DOK7: variants seen among roughly 807,000 people sequenced by gnomAD.
The protein encoded by DOK7 is protein Dok-7.
Under a neutral mutation model 30.7 loss-of-function variants are expected in DOK7, and 32 were observed. That is an observed-to-expected ratio of 1.04 (90% CI 0.79 to 1.40). The LOEUF is 1.40. Among genes scored for constraint, DOK7 ranks in the 40% most tolerant of loss-of-function variants. The pLI, the probability that DOK7 is intolerant of heterozygous loss-of-function variation, is 0.00. For missense variants in DOK7, 1,007 were observed against 699.2 expected (o/e 1.44, Z -4.97); for synonymous variants, 447 against 324.1 (o/e 1.38, Z -4.07).
intron 6 of DOK7, chr4:3,500,203 G>A (rs1212621844): frequency 6.5e-7 from 1 of 1,527,524 alleles, no homozygotes; most frequent in South Asian, 1.2e-5. Flanking sequence ...TTTGAGATCT[G>A]TGCCCCTCTC....
chr4:3,464,957 T>G (rs114126206), intron 2 of DOK7, among the ~76,000 whole-genome samples: 1,734 of 152,282 alleles, frequency 0.011, 39 homozygotes, highest in African/African-American at 0.039. Flanking sequence ...GGTTATCCCG[T>G]ATCCTGCGCA....
intron 2 of DOK7, among the ~76,000 whole-genome samples, chr4:3,469,655 T>G (rs1219487393): frequency 6.6e-6 from 1 of 152,212 alleles, no homozygotes; most frequent in East Asian, 1.9e-4. Context: ...ACACGTGCTG[T>G]GTCCCAGGGA....
chr4:3,495,676 G>A (rs1226269428), downstream of DOK7, among the ~76,000 whole-genome samples: 3 of 152,208 alleles, frequency 2.0e-5, no homozygotes, highest in Non-Finnish European at 4.4e-5. Context: ...AACCAGATGG[G>A]ACAGACACTG....
chr4:3,490,801 GCCCCCCC>G (rs1728312407), intron 6 of DOK7, among the ~76,000 whole-genome samples: 1 of 35,382 alleles, frequency 2.8e-5, no homozygotes, highest in East Asian at 9.3e-4. Context: ...TCCTTCCTCT[GCCCCCCC>G]GCTCATTCAT....
chr4:3,494,239 G>T lies in DOK7; in HGVS notation c.*738G>T, dbSNP rs1390285751. On this transcript the variant is annotated 3_prime_UTR_variant, in exon 7 of 7. Coordinates refer to ENST00000340083, the MANE Select transcript of DOK7 (RefSeq NM_173660.5). Reference sequence around the variant, plus strand: ...TGCTGGCTCCTGTCTGAACCTCCTCGCAGGGCCAAAGGCTGGCTTGGCCTG... The same window carrying T: ...TGCTGGCTCCTGTCTGAACCTCCTCTCAGGGCCAAAGGCTGGCTTGGCCTG... The T allele has an allele frequency of 3.0e-6, 3 of 985,420 alleles. No individual in the cohort carries two copies. The highest frequency in any genetic ancestry group is 9.4e-5 in the South Asian group (2 of 21,290). The allele number at this position is 985,420 out of a possible 1,614,324, so 61.0% of individuals were successfully genotyped here. A position where few individuals can be genotyped will look rare whatever the true frequency, so the allele number is the denominator to read the frequency against.
rs530115578 is a variant in DOK7 at position 3,485,308 on chromosome 4, C to G, written c.533-231C>G. The G allele has an allele frequency of 6.8e-3, 3,657 of 537,466 alleles. 21 individuals carry two copies. The highest frequency in any genetic ancestry group is 8.6e-3 in the Non-Finnish European group (2,778 of 322,890). 33.3% of individuals were successfully genotyped at this position (537,466 alleles called of 1,614,324 possible). A position where few individuals can be genotyped will look rare whatever the true frequency, so the allele number is the denominator to read the frequency against. On this transcript the variant is annotated intron_variant, in intron 4 of 6. Coordinates refer to ENST00000340083, the MANE Select transcript of DOK7 (RefSeq NM_173660.5). ...GGTGCGGCGGGGTCCCTGGGGAGTCCAGAGGCTCTGGGGACCCAGCTTCAC... is the reference window on the plus strand; with the variant it reads ...GGTGCGGCGGGGTCCCTGGGGAGTCGAGAGGCTCTGGGGACCCAGCTTCAC...
rs180810850 is a variant in DOK7, at chr4:3,470,186, T to C, written c.101-3220T>C. 5.2e-3 allele frequency among the ~76,000 whole-genome samples: 796 copies of C among 152,334 alleles called. 5 individuals carry two copies. Among genetic ancestry groups the C allele is most frequent in the African/African-American group, 0.018 (749 of 41,578 alleles). On this transcript the variant is annotated intron_variant, in intron 2 of 6. Transcript: ENST00000340083. The stretch of plus-strand genomic sequence containing the variant: ...GCTGTGGCCTCAGCGCTCCAGTCCC[T>C]GCCTCCGTCCCCATTCAGGTGACCT...
chr4:3,468,545 T>C (rs1161267773), intron 2 of DOK7, among the ~76,000 whole-genome samples: 1 of 151,062 alleles, frequency 6.6e-6, no homozygotes, highest in African/African-American at 2.5e-5. Context: ...AGTGTATGTG[T>C]GTGTGCCTGT....
Position 3,476,542 on chromosome 4 carries a change from T to C in DOK7, c.532T>C (p.Trp178Arg). 2 of 1,613,858 alleles carry C rather than the reference T, an allele frequency of 1.2e-6. No homozygotes were observed. Among genetic ancestry groups the C allele is most frequent in the East Asian group, 2.2e-5 (1 of 44,870 alleles). ...TGAAGGCGGGACCAGGTGTGGGTAC[T>C]GTAAGTACGGATGTGTGGGGTCACT... ...IFEGGTRCGY[W>R]AGVFFLSSAE... The change falls in exon 4 of 7, where the codon TGG becomes CGG. Residue 178 changes from tryptophan to arginine, a missense_variant and splice_region_variant. By Grantham distance (101) the Trp-to-Arg change is moderately radical. Transcript: ENST00000340083.
chr4:3,468,368 C>T (rs1471900434), intron 2 of DOK7, among the ~76,000 whole-genome samples: 1 of 148,492 alleles, frequency 6.7e-6, no homozygotes, highest in East Asian at 2.0e-4. Context: ...GTGCGTGTGT[C>T]TGTGTGTGCA....
At chr4:3,464,604 T>C (rs910580461) in intron 2 of DOK7, among the ~76,000 whole-genome samples, 17 of 152,130 alleles carry the variant, frequency 1.1e-4, no homozygotes, top group African/African-American at 4.1e-4. Context: ...TGACAGGCTT[T>C]AGTCAGCTGT....
At chr4:3,468,329 AGT>A (rs144576590) in intron 2 of DOK7, among the ~76,000 whole-genome samples, 43,138 of 146,266 alleles carry the variant, frequency 0.29, 6,286 homozygotes, top group African/African-American at 0.35. Context: ...TGTGTGTGCG[AGT>A]GTGTGTGAGC....
chr4:3,494,522 C>T (rs373492328), downstream of DOK7: 45 of 985,624 alleles, frequency 4.6e-5, no homozygotes, highest in East Asian at 2.8e-3. Context: ...TCTCCGCCTC[C>T]TCGCCCACCC....
At chr4:3,488,363 C>A (rs151188726) in intron 5 of DOK7, among the ~76,000 whole-genome samples, 1 of 152,242 alleles carries the variant, frequency 6.6e-6, no homozygotes, top group Non-Finnish European at 1.5e-5. Context: ...AGGGCCCCAG[C>A]TGGGCACCTG....
chr4:3,494,018 G>C lies in DOK7; in HGVS notation c.*517G>C. Reference sequence around the variant, plus strand: ...CCCCCCTGGGCTCCGTGTGCGCTGGGCCTCATCCCCATCTATGGGAGGAAA... The same window carrying C: ...CCCCCCTGGGCTCCGTGTGCGCTGGCCCTCATCCCCATCTATGGGAGGAAA... On this transcript the variant is annotated 3_prime_UTR_variant, in exon 7 of 7. Transcript: ENST00000340083. 1.0e-6 allele frequency: 1 copy of C among 991,146 alleles called. No individual in the cohort carries two copies. Among genetic ancestry groups the C allele is most frequent in the African/African-American group, 1.7e-5 (1 of 57,422 alleles). The allele number at this position is 991,146 out of a possible 1,614,324, so 61.4% of individuals were successfully genotyped here. A position where few individuals can be genotyped will look rare whatever the true frequency, so the allele number is the denominator to read the frequency against.
chr4:3,492,878 G>C lies in DOK7; in HGVS notation c.892G>C (p.Gly298Arg), dbSNP rs765585571. The change falls in exon 7 of 7, where the codon GGG becomes CGG. Residue 298 changes from glycine (G) to arginine (R), a missense_variant. Physicochemically the swap from Gly to Arg is moderately radical, Grantham distance 125. Coordinates refer to ENST00000340083, the MANE Select transcript of DOK7 (RefSeq NM_173660.5). ...GTCGTCAGCCAGCACGTCACAGGAGGGGCCTAGACCAGCAGCTGCCCAGGC... is the reference window on the plus strand; with the variant it reads ...GTCGTCAGCCAGCACGTCACAGGAGCGGCCTAGACCAGCAGCTGCCCAGGC... ...SSSSASTSQE[G>R]PRPAAAQAAG... is the part of the protein sequence containing the mutation. 1.2e-6 allele frequency: 2 copies of C among 1,603,318 alleles called. No homozygotes were observed. The highest frequency in any genetic ancestry group is 4.5e-5 in the East Asian group (2 of 44,332).
chr4:3,478,550 C>T (rs79992712), intron 4 of DOK7, among the ~76,000 whole-genome samples: 15,503 of 111,406 alleles, frequency 0.14, 978 homozygotes, highest in East Asian at 0.22. Context: ...CCACAGAACC[C>T]ACAAACCTGC....
intron 5 of DOK7, among the ~76,000 whole-genome samples, chr4:3,486,722 AGTGGATGCACCCCTGCAG>A: frequency 6.6e-6 from 1 of 151,608 alleles, no homozygotes; most frequent in Admixed American, 6.6e-5. Flanking sequence ...CTTCCTGCCT[AGTGGATGCACCCCTGCAG>A]GTGTCTTCCT....
At chr4:3,472,474 A>G (rs1001918679) in intron 2 of DOK7, among the ~76,000 whole-genome samples, 1 of 152,174 alleles carries the variant, frequency 6.6e-6, no homozygotes, top group African/African-American at 2.4e-5. Context: ...GCCGGGGCCT[A>G]GGTGGGAGGA....
Sources: gnomAD v4.1 joint callset for allele counts (sites outside exome capture counted in the v4.1 genomes callset) on GRCh38, gnomAD v4.1.1 for gene constraint, MANE v1.5 for transcripts, NCBI Gene and HGNC (gene_info 2026-07-23, HGNC 2026-07-21) for gene names.